TBL1X: variants seen among roughly 807,000 people sequenced by gnomAD.
The protein encoded by TBL1X is F-box-like/WD repeat-containing protein TBL1X.
Under a neutral mutation model 50.7 loss-of-function variants are expected in TBL1X, and 10 were observed. The observed-to-expected ratio is 0.20, with a 90% CI of 0.12 to 0.33. The LOEUF (loss-of-function observed/expected upper bound fraction) is 0.33, where lower values mean the gene tolerates loss of function less well. TBL1X is among the 10% of genes least tolerant of loss of function. The pLI is 1.00. For synonymous variants in TBL1X, 190 were observed against 214.7 expected, an observed-to-expected ratio of 0.88 and a Z score of 1.01; for missense variants, 340 against 504.4, an observed-to-expected ratio of 0.67 and a Z score of 3.12.
At chrX:9,604,407 C>A (rs1177969591) in intron 2 of TBL1X, among the ~76,000 whole-genome samples, 1 of 110,631 alleles carries the variant, frequency 9.0e-6, no homozygotes, top group African/African-American at 3.3e-5. Flanking sequence ...ACTTTCCCCC[C>A]CTTTTTTTTT....
intron 5 of TBL1X, among the ~76,000 whole-genome samples, chrX:9,657,075 C>T (rs2146602277): frequency 8.9e-6 from 1 of 112,494 alleles, no homozygotes; most frequent in South Asian, 3.7e-4. Flanking sequence ...CTGGCTTTCT[C>T]CACTAGAAGT....
At chrX:9,702,572 C>T (rs2083180873) in intron 12 of TBL1X, among the ~76,000 whole-genome samples, 2 of 105,788 alleles carry the variant, frequency 1.9e-5, no homozygotes, top group Admixed American at 2.0e-4. Context: ...TGCCACTGCA[C>T]TCCAGCCTGG....
intron 3 of TBL1X, among the ~76,000 whole-genome samples, chrX:9,642,733 G>A (rs960313719): frequency 1.8e-4 from 20 of 112,481 alleles, no homozygotes; most frequent in Non-Finnish European, 3.0e-4. Context: ...TAGGGGCTTA[G>A]GCTTCGCGGG....
chrX:9,548,922 T>C (rs1216519081), intron 2 of TBL1X, among the ~76,000 whole-genome samples: 1 of 113,089 alleles, frequency 8.8e-6, no homozygotes, highest in East Asian at 2.8e-4. Flanking sequence ...ATGCAATCTT[T>C]CTTGATTTAT....
intron 15 of TBL1X, 102 bp from the exon 16 acceptor site, chrX:9,711,508 TA>T: frequency 1.2e-6 from 1 of 829,112 alleles, no homozygotes; most frequent in Non-Finnish European, 1.6e-6. Context: ...TTTTGAAACG[TA>T]AAAGCTGGGA....
At chrX:9,466,421 T>C (rs1436682885) in intron 1 of TBL1X, among the ~76,000 whole-genome samples, 1 of 112,802 alleles carries the variant, frequency 8.9e-6, no homozygotes. Flanking sequence ...CAAGGCCTCG[T>C]GTTCCCCCAG....
chrX:9,489,922 C>T (rs1466472516), intron 1 of TBL1X, among the ~76,000 whole-genome samples: 1 of 111,333 alleles, frequency 9.0e-6, no homozygotes, highest in Non-Finnish European at 1.9e-5. Context: ...CCTAGAAAAT[C>T]AGCTCTATAG....
intron 2 of TBL1X, among the ~76,000 whole-genome samples, chrX:9,595,488 A>G (rs1350070246): frequency 8.9e-6 from 1 of 111,963 alleles, no homozygotes; most frequent in South Asian, 3.8e-4. Context: ...TGTTTCAGAT[A>G]TTCGATGGAG....
At chrX:9,641,624 A>G (rs890303243) in intron 3 of TBL1X, among the ~76,000 whole-genome samples, 1 of 112,729 alleles carries the variant, frequency 8.9e-6, no homozygotes, top group Non-Finnish European at 1.9e-5. Context: ...ATGCATATGT[A>G]GGTTGTTTTA....
chrX:9,618,205 C>G (rs1433232026), intron 2 of TBL1X, among the ~76,000 whole-genome samples: 2 of 111,518 alleles, frequency 1.8e-5, no homozygotes, highest in Non-Finnish European at 3.8e-5. Flanking sequence ...GAAGTAGGTT[C>G]TTTCAGAGCA....
intron 2 of TBL1X, among the ~76,000 whole-genome samples, chrX:9,534,142 G>T (rs1198586057): frequency 8.9e-6 from 1 of 111,786 alleles, no homozygotes; most frequent in Non-Finnish European, 1.9e-5. Context: ...AGACTAGCCA[G>T]AGAGATGTGG....
chrX:9,491,323 TATATATATATATATA>T (rs1262709214), intron 1 of TBL1X, among the ~76,000 whole-genome samples: 1,367 of 42,181 alleles, frequency 0.032, 19 homozygotes, highest in East Asian at 0.13. Context: ...TATATATATA[TATATATATATATATA>T]TTTTTTTTTT....
At chrX:9,652,850 CAA>C (rs750794158) in intron 3 of TBL1X, among the ~76,000 whole-genome samples, 14 of 55,356 alleles carry the variant, frequency 2.5e-4, no homozygotes, top group Admixed American at 2.2e-4. Flanking sequence ...GACTCTGTCT[CAA>C]AAAAAAAAAA....
At chrX:9,536,601 G>A (rs2082189224) in intron 2 of TBL1X, among the ~76,000 whole-genome samples, 1 of 111,549 alleles carries the variant, frequency 9.0e-6, no homozygotes, top group Non-Finnish European at 1.9e-5. Context: ...GCAATGCCCT[G>A]TAAAGTTAAA....
intron 3 of TBL1X, among the ~76,000 whole-genome samples, chrX:9,646,188 G>A (rs2082803690): frequency 8.9e-6 from 1 of 112,257 alleles, no homozygotes; most frequent in African/African-American, 3.2e-5. Context: ...TCATCTTCAT[G>A]GCGGCCTGAT....
At chrX:9,704,072 A>G (rs750497158) in intron 12 of TBL1X, among the ~76,000 whole-genome samples, 2 of 111,976 alleles carry the variant, frequency 1.8e-5, no homozygotes, top group South Asian at 3.8e-4. Context: ...TAACTAAACT[A>G]CAAGGGGAGG....
chrX:9,525,880 T>C (rs779261512), intron 2 of TBL1X, among the ~76,000 whole-genome samples: 1 of 111,800 alleles, frequency 8.9e-6, no homozygotes, highest in East Asian at 2.8e-4. Context: ...AATACTACTA[T>C]TAGGAGTGTT....
At chrX:9,641,700 ATGTAT>A (rs1301380421) in intron 3 of TBL1X, among the ~76,000 whole-genome samples, 11 of 112,769 alleles carry the variant, frequency 9.8e-5, no homozygotes, top group African/African-American at 2.9e-4. Context: ...AAAATTTGTA[ATGTAT>A]TAGTGAATTT....
chrX:9,533,797 G>A (rs1205778189), intron 2 of TBL1X, among the ~76,000 whole-genome samples: 1 of 111,391 alleles, frequency 9.0e-6, no homozygotes. Flanking sequence ...GTGCTGCTCC[G>A]GGCTCCTTCG....
Sources: gnomAD v4.1 joint callset for allele counts (sites outside exome capture counted in the v4.1 genomes callset) on GRCh38, gnomAD v4.1.1 for gene constraint, MANE v1.5 for transcripts, NCBI Gene and HGNC (gene_info 2026-07-23, HGNC 2026-07-21) for gene names.